CTCFL: variants seen among roughly 807,000 people sequenced by gnomAD.
The protein encoded by CTCFL is transcriptional repressor CTCFL.
CTCFL carries 36 observed loss-of-function variants against 67.4 expected under a neutral mutation model. That is an observed-to-expected ratio of 0.53 (90% CI 0.41 to 0.71). CTCFL has a LOEUF of 0.71. Among genes scored for constraint, CTCFL ranks in the 30% least tolerant of loss-of-function variants. CTCFL has a pLI of 0.00. For synonymous variants in CTCFL, 324 were observed against 302.3 expected (o/e 1.07, Z -0.75); for missense variants, 786 against 835.2 (o/e 0.94, Z 0.73).
At chr20:57,516,700 C>T (rs1301453417) in intron 5 of CTCFL, among the ~76,000 whole-genome samples, 1 of 152,168 alleles carries the variant, frequency 6.6e-6, no homozygotes, top group Non-Finnish European at 1.5e-5. Context: ...GCATTGGTGC[C>T]ATGTGACAGC....
At chr20:57,513,744 A>G in intron 7 of CTCFL, 1 of 1,218,056 alleles carries the variant, frequency 8.2e-7, no homozygotes, top group Non-Finnish European at 1.0e-6. Context: ...AAAAAAATTC[A>G]TCTCATCTCC....
intron 5 of CTCFL, among the ~76,000 whole-genome samples, chr20:57,516,797 C>A (rs1274345146): frequency 6.6e-6 from 1 of 152,226 alleles, no homozygotes; most frequent in Non-Finnish European, 1.5e-5. Flanking sequence ...AGTTAAATAG[C>A]AAACAACATA....
intron 1 of CTCFL, chr20:57,524,460 C>A: frequency 7.6e-7 from 1 of 1,319,396 alleles, no homozygotes; most frequent in Non-Finnish European, 9.7e-7. Context: ...CAGGTTTGGG[C>A]CTCAGCAGGC....
In CTCFL at chr20:57,498,585, T is replaced by C. The variant is rs749878098; in HGVS notation, c.1957A>G (p.Thr653Ala). Residue 653 changes from threonine to alanine, a missense_variant, in exon 11 of 11, where the codon ACC (threonine) becomes GCC (alanine). Thr to Ala is a moderately conservative substitution (Grantham distance 58, BLOSUM62 0). Around this residue, in one of 3 missense-constraint regions of CTCFL, gnomAD observed 199 missense variants for 196.7 expected, o/e 1.01. Coordinates refer to ENST00000243914, the MANE Select transcript of CTCFL (RefSeq NM_001386993.1). ...ATCGTGTTGAGGAGCATTTCACAGG[T>C]CACGCCTTCATCCACTTCCTCTTTG... Reference protein sequence around the residue: ...RVKEEVDEGVTCEMLLNTMDK With the variant: ...RVKEEVDEGVACEMLLNTMDK 4.3e-6 allele frequency: 7 copies of C among 1,613,970 alleles called. No homozygotes were observed. The African/African-American group carries it at 9.3e-5, about 22-fold the overall frequency.
At position 57,523,829 on chromosome 20, in the gene CTCFL, G is replaced by C; in HGVS notation, c.377C>G (p.Pro126Arg). The C allele has an allele frequency of 6.2e-7, 1 of 1,613,036 alleles. No homozygotes were observed. The highest frequency in any genetic ancestry group is 8.5e-7 in the Non-Finnish European group (1 of 1,180,018). ...GPGLLWLEEGPRQSLQQCVAI... is the reference protein window; with the variant it reads ...GPGLLWLEEGRRQSLQQCVAI... Reference sequence around the variant, plus strand: ...CACACACTGCTGCAGGCTCTGCCGGGGCCCTTCCTCAAGCCACAGCAACCC... The same window carrying C: ...CACACACTGCTGCAGGCTCTGCCGGCGCCCTTCCTCAAGCCACAGCAACCC... Residue 126 changes from proline to arginine, a missense_variant, in exon 2 of 11, where the codon CCC becomes CGC. Transcript: ENST00000243914.
rs2067764555 is a variant in CTCFL, at chr20:57,498,608, TTGACTC to T, written c.1928_1933del (p.Arg643_Val644del). 1.2e-6 allele frequency: 2 copies of T among 1,614,068 alleles called. No individual in the cohort carries two copies. Among genetic ancestry groups the T allele is most frequent in the African/African-American group, 2.7e-5 (2 of 74,942 alleles). On this transcript the variant is annotated inframe_deletion, in exon 11 of 11. Coordinates refer to ENST00000243914, the MANE Select transcript of CTCFL (RefSeq NM_001386993.1). ...GGTCACGCCTTCATCCACTTCCTCTTTGACTCTGGCTGTGGTTTCTCTGCAGGCGAC... is the reference window on the plus strand; with the variant it reads ...GGTCACGCCTTCATCCACTTCCTCTTTGGCTGTGGTTTCTCTGCAGGCGAC...
At chr20:57,502,344 T>A (rs191050952) in intron 10 of CTCFL, among the ~76,000 whole-genome samples, 16 of 152,324 alleles carry the variant, frequency 1.1e-4, no homozygotes, top group Non-Finnish European at 2.1e-4. Context: ...TTCAGATACA[T>A]GATGAACATT....
chr20:57,503,807 G>A (rs554569277), intron 9 of CTCFL, among the ~76,000 whole-genome samples: 18 of 152,174 alleles, frequency 1.2e-4, no homozygotes, highest in Admixed American at 2.6e-4. Context: ...TGTGACTCAC[G>A]TATGTAATCC....
At chr20:57,511,006 CTG>C (rs1303293369) in intron 8 of CTCFL, among the ~76,000 whole-genome samples, 1 of 152,178 alleles carries the variant, frequency 6.6e-6, no homozygotes. Context: ...TTCCAAATAA[CTG>C]TGGGCATTCT....
At chr20:57,525,580 T>C (rs78888165), upstream of CTCFL, 2,624 of 47,808 alleles carry the variant, frequency 0.055, 73 homozygotes, top group Middle Eastern at 0.086. Context: ...GCCTGGGAGA[T>C]CTGAGGGGGA....
At chr20:57,518,497 A>G in intron 5 of CTCFL, 1 of 1,399,128 alleles carries the variant, frequency 7.1e-7, no homozygotes, top group Non-Finnish European at 9.3e-7. Flanking sequence ...TCTGGGACTT[A>G]TTTCTTGACC....
intron 10 of CTCFL, among the ~76,000 whole-genome samples, chr20:57,499,080 G>A (rs1416398282): frequency 1.6e-5 from 2 of 121,994 alleles, no homozygotes; most frequent in Non-Finnish European, 3.6e-5. Context: ...TGACGGGGGG[G>A]GGGTGGGGGG....
chr20:57,501,682 G>A (rs564279604), intron 10 of CTCFL, among the ~76,000 whole-genome samples: 2 of 152,300 alleles, frequency 1.3e-5, no homozygotes, highest in East Asian at 1.9e-4. Context: ...AGGAGCTGGC[G>A]GAGGATGGCG....
intron 10 of CTCFL, chr20:57,500,376 C>T (rs2067854646): frequency 7.4e-6 from 2 of 271,134 alleles, no homozygotes; most frequent in Non-Finnish European, 1.5e-5. Flanking sequence ...CACTTGAACC[C>T]AGGAGGCAGA....
chr20:57,500,237 G>A (rs1259241210), intron 10 of CTCFL: 1 of 1,041,946 alleles, frequency 9.6e-7, no homozygotes. Context: ...GGCCGAGGCG[G>A]GCAGATCACT....
chr20:57,524,369 A>G, intron 1 of CTCFL, 153 bp from the exon 2 acceptor site: 1 of 1,454,406 alleles, frequency 6.9e-7, no homozygotes, highest in Non-Finnish European at 9.0e-7. Flanking sequence ...AACAATGCTG[A>G]TCTGGCTTGG....
intron 9 of CTCFL, among the ~76,000 whole-genome samples, chr20:57,504,591 C>G (rs1233474421): frequency 6.6e-6 from 1 of 151,790 alleles, no homozygotes; most frequent in Non-Finnish European, 1.5e-5. Context: ...AAGATAACAT[C>G]CTAACATCCG....
In CTCFL at chr20:57,514,854, CT is replaced by C. The variant is rs2068803258; in HGVS notation, c.1181-114del. ...CCAAGCCTCCTTTATCAACCCCCTTCTCACCGGACAACCCCCAATTAGTATG... is the reference window on the plus strand; with the variant it reads ...CCAAGCCTCCTTTATCAACCCCCTTCCACCGGACAACCCCCAATTAGTATG... On this transcript the variant is annotated intron_variant, in intron 6 of 10. Transcript: ENST00000243914. 9 of 1,122,330 alleles carry C rather than the reference CT, an allele frequency of 8.0e-6. No homozygotes were observed. In the South Asian group the frequency reaches 1.4e-4, roughly 17 times the overall value. 69.5% of individuals were successfully genotyped at this position (1,122,330 alleles called of 1,614,324 possible).
chr20:57,508,567 C>T, intron 9 of CTCFL, 39 bp downstream of exon 9: 1 of 1,595,846 alleles, frequency 6.3e-7, no homozygotes, highest in South Asian at 1.1e-5. Context: ...ATAGAGGGAT[C>T]TTTCCATGGG....
Sources: allele counts gnomAD v4.1 joint callset (sites outside exome capture counted in the v4.1 genomes callset), GRCh38; gene constraint gnomAD v4.1.1; regional missense constraint gnomAD v4.1.1; transcripts MANE v1.5; gene names NCBI Gene and HGNC (gene_info 2026-07-23, HGNC 2026-07-21).